The following GLB1L3 variants were observed in gnomAD, a reference collection of about 807,000 sequenced individuals.
GLB1L3 encodes the protein galactosidase beta 1 like 3.
GLB1L3 carries 89 observed loss-of-function variants against 89.5 expected under a neutral mutation model. The observed-to-expected ratio is 0.99, with a 90% CI of 0.84 to 1.19. The LOEUF is 1.19. GLB1L3 is among the 50% of genes most tolerant of loss of function. GLB1L3 has a pLI of 0.00. For missense variants in GLB1L3, 812 were observed against 813.3 expected (o/e 1.00, Z 0.02); for synonymous variants, 314 against 312.3 (o/e 1.01, Z -0.06).
chr11:134,322,137 A>G (rs1943176367), downstream of GLB1L3, among the ~76,000 whole-genome samples: 1 of 152,222 alleles, frequency 6.6e-6, no homozygotes, highest in Non-Finnish European at 1.5e-5. Context: ...TATGCTATGC[A>G]AATTCTAACT....
chr11:134,312,996 T>C, intron 15 of GLB1L3, 109 bp downstream of exon 15: 1 of 829,640 alleles, frequency 1.2e-6, no homozygotes, highest in Non-Finnish European at 2.0e-6. Flanking sequence ...CTGGTGCTGC[T>C]GCTCACCTGG....
chr11:134,295,618 G>A (rs905678146), intron 9 of GLB1L3, among the ~76,000 whole-genome samples: 4 of 151,982 alleles, frequency 2.6e-5, no homozygotes, highest in African/African-American at 4.8e-5. Flanking sequence ...CTTGGTTTCC[G>A]CTTTGAACTT....
At chr11:134,279,602 G>A (rs1940575878) in intron 3 of GLB1L3, among the ~76,000 whole-genome samples, 1 of 152,002 alleles carries the variant, frequency 6.6e-6, no homozygotes, top group South Asian at 2.1e-4. Flanking sequence ...CTGACCTCAG[G>A]TGATCCGCCT....
chr11:134,319,184 G>C lies in GLB1L3; in HGVS notation c.*242G>C, dbSNP rs1172512719. The C allele has an allele frequency of 2.2e-6, 1 of 447,796 alleles. No individual in the cohort carries two copies. The highest frequency in any genetic ancestry group is 2.0e-5 in the African/African-American group (1 of 50,062). 27.7% of individuals were successfully genotyped at this position (447,796 alleles called of 1,614,324 possible). A position where few individuals can be genotyped will look rare whatever the true frequency, so the allele number is the denominator to read the frequency against. Reference sequence around the variant, plus strand: ...TTAGCCAGGATGGTCCCAATCTCCTGACCTTGTGATCTGCTCTCCTCAGCC... The same window carrying C: ...TTAGCCAGGATGGTCCCAATCTCCTCACCTTGTGATCTGCTCTCCTCAGCC... On this transcript the variant is annotated 3_prime_UTR_variant, in exon 20 of 20. Transcript: ENST00000431683.
chr11:134,283,855 A>G lies in GLB1L3; in HGVS notation c.636+10A>G. 2 of 1,497,766 alleles carry G rather than the reference A, an allele frequency of 1.3e-6. No individual in the cohort carries two copies. The highest frequency in any genetic ancestry group is 2.7e-5 in the African/African-American group (2 of 72,772). 92.8% of individuals were successfully genotyped at this position (1,497,766 alleles called of 1,614,324 possible). A position where few individuals can be genotyped will look rare whatever the true frequency, so the allele number is the denominator to read the frequency against. ...AGTGATTCCTCTCCAGGTAAAGCCA[A>G]ATTGTCCCCTGCATCTTTCTTACGT... On this transcript the variant is annotated intron_variant, in intron 6 of 19. Coordinates refer to ENST00000431683, the MANE Select transcript of GLB1L3 (RefSeq NM_001080407.3).
chr11:134,290,579 C>T (rs539827), intron 7 of GLB1L3, among the ~76,000 whole-genome samples: 19,488 of 117,080 alleles, frequency 0.17, 2,291 homozygotes, highest in Middle Eastern at 0.25. Flanking sequence ...CCCCCCCCGC[C>T]AAAAAAAAAG....
At chr11:134,287,795 C>T (rs1017718413) in intron 6 of GLB1L3, among the ~76,000 whole-genome samples, 1 of 152,188 alleles carries the variant, frequency 6.6e-6, no homozygotes, top group Non-Finnish European at 1.5e-5. Context: ...GAAGCCAGCA[C>T]GCCTGGGCAG....
At chr11:134,308,226 C>CCAA in intron 10 of GLB1L3, among the ~76,000 whole-genome samples, 1 of 27,800 alleles carries the variant, frequency 3.6e-5, no homozygotes, top group Non-Finnish European at 8.0e-5. Context: ...ATCACCATCA[C>CCAA]CACCACCACC....
At chr11:134,286,249 C>T (rs1940975560) in intron 6 of GLB1L3, among the ~76,000 whole-genome samples, 1 of 151,862 alleles carries the variant, frequency 6.6e-6, no homozygotes, top group Non-Finnish European at 1.5e-5. Flanking sequence ...AGAGAAGAAT[C>T]GAGGGATAAC....
chr11:134,305,220 C>A, intron 9 of GLB1L3: 1 of 865,880 alleles, frequency 1.2e-6, no homozygotes, highest in Non-Finnish European at 1.9e-6. Context: ...TCCTTCTAAG[C>A]TTCTGATGCA....
intron 7 of GLB1L3, 59 bp from the exon 8 acceptor site, chr11:134,292,073 T>G: frequency 8.3e-7 from 1 of 1,203,528 alleles, no homozygotes; most frequent in Non-Finnish European, 1.2e-6. Flanking sequence ...GCTGTATGTA[T>G]TTCTTTTTTC....
rs1486917834 is a variant in GLB1L3, at chr11:134,277,320, T to C, written c.24-6T>C. ...CCCTTGTCACTGTTGTCCTTTCTCC[T>C]TTCAGCCCGTGTCTCTCCTGGAAGA... On this transcript the variant is annotated splice_polypyrimidine_tract_variant and splice_region_variant and intron_variant, in intron 1 of 19. Transcript: ENST00000431683. 7.4e-6 allele frequency: 12 copies of C among 1,613,886 alleles called. No individual in the cohort carries two copies. The highest frequency in any genetic ancestry group is 9.3e-6 in the Non-Finnish European group (11 of 1,179,874).
At chr11:134,313,027 A>C in intron 15 of GLB1L3, 140 bp downstream of exon 15, 1 of 694,920 alleles carries the variant, frequency 1.4e-6, no homozygotes, top group Non-Finnish European at 2.5e-6. Flanking sequence ...GGAAGTGTGC[A>C]GGGCTGGAAG....
At chr11:134,310,110 C>T (rs1942649554) in intron 11 of GLB1L3, 2 of 395,992 alleles carry the variant, frequency 5.1e-6, no homozygotes, top group African/African-American at 2.0e-5. Context: ...AAAAGAGTAC[C>T]CGTTGAAGGG....
At chr11:134,305,430 C>G (rs1942157698) in intron 9 of GLB1L3, 1 of 330,480 alleles carries the variant, frequency 3.0e-6, no homozygotes, top group Non-Finnish European at 5.5e-6. Flanking sequence ...TGCTTTTGCG[C>G]TTCTTCCTCC....
Position 134,318,763 on chromosome 11 carries a change from C to G in GLB1L3, c.1896+16C>G. 6.4e-7 allele frequency: 1 copy of G among 1,570,234 alleles called. No individual in the cohort carries two copies. Among genetic ancestry groups the G allele is most frequent in the Non-Finnish European group, 8.8e-7 (1 of 1,140,948 alleles). On this transcript the variant is annotated intron_variant, in intron 19 of 19. Coordinates refer to ENST00000431683, the MANE Select transcript of GLB1L3 (RefSeq NM_001080407.3). ...AGACAATGAGGTATGTCACTCCAGT[C>G]TCTGCCTTGAGATCTCATAAACTTT...
Position 134,277,343 on chromosome 11 carries a change from A to G in GLB1L3, c.41A>G (p.Lys14Arg). The G allele has an allele frequency of 1.9e-6, 3 of 1,613,952 alleles. No individual in the cohort carries two copies. Among genetic ancestry groups the G allele is most frequent in the Non-Finnish European group, 2.5e-6 (3 of 1,179,888 alleles). The change falls in exon 2 of 20, where the codon AAG (lysine) becomes AGG (arginine). Residue 14 changes from lysine (K) to arginine (R), a missense_variant. Around this residue, in one of 3 missense-constraint regions of GLB1L3, gnomAD observed 191 missense variants for 191.4 expected, o/e 1.00. Coordinates refer to ENST00000431683, the MANE Select transcript of GLB1L3 (RefSeq NM_001080407.3). ...PPLLSPCLSW[K>R]RMAGIFFLPF... ...CCTTTCAGCCCGTGTCTCTCCTGGA[A>G]GAGAATGGCGGGCATCTTTTTCCTG...
At chr11:134,307,716 G>T (rs1942265972) in intron 10 of GLB1L3, among the ~76,000 whole-genome samples, 1 of 152,184 alleles carries the variant, frequency 6.6e-6, no homozygotes, top group Non-Finnish European at 1.5e-5. Context: ...AAGAGATCAG[G>T]TTTTAATCTC....
intron 10 of GLB1L3, among the ~76,000 whole-genome samples, chr11:134,308,396 C>T (rs1942428259): frequency 1.6e-5 from 1 of 63,788 alleles, no homozygotes; most frequent in Non-Finnish European, 3.2e-5. Context: ...CCATCACCAC[C>T]ATCACCATCA....
Sources: allele counts gnomAD v4.1 joint callset (sites outside exome capture counted in the v4.1 genomes callset), GRCh38; gene constraint gnomAD v4.1.1; regional missense constraint gnomAD v4.1.1; transcripts MANE v1.5; gene names NCBI Gene and HGNC (gene_info 2026-07-23, HGNC 2026-07-21).